The following TDRD9 variants were observed in gnomAD, a reference collection of about 807,000 sequenced individuals.
TDRD9 encodes the protein ATP-dependent RNA helicase TDRD9.
TDRD9 carries 124 observed loss-of-function variants against 172.6 expected under a neutral mutation model. That is an observed-to-expected ratio of 0.72 (90% CI 0.62 to 0.83). The LOEUF is 0.83. TDRD9 is among the 40% of genes least tolerant of loss of function. The pLI, the probability that TDRD9 is intolerant of heterozygous loss-of-function variation, is 0.00. For missense variants in TDRD9, 1,479 were observed against 1,714.1 expected (o/e 0.86, Z 2.42); for synonymous variants, 619 against 617.1 (o/e 1.00, Z -0.05).
At chr14:103,939,867 C>T (rs2031107951) in intron 1 of TDRD9, 1 of 147,422 alleles carries the variant, frequency 6.8e-6, no homozygotes. Flanking sequence ...CTGCTTCAAC[C>T]TCCTGAGTAG....
Position 103,938,438 on chromosome 14 carries a change from A to ATTTTTTTTTT in TDRD9, c.215+9715_215+9716insTTTTTTTTTT, listed in dbSNP as rs1354196439. ...TGTATATATATATATATATATATAT[A>ATTTTTTTTTT]TATTTTTTTTTTTTTTTTGAGATGG... On this transcript the variant is annotated intron_variant, in intron 1 of 35. Coordinates refer to ENST00000409874, the MANE Select transcript of TDRD9 (RefSeq NM_153046.3). Among the ~76,000 whole-genome samples the ATTTTTTTTTT allele has an allele frequency of 2.8e-3, 118 of 41,712 alleles. 3 individuals carry two copies. Among genetic ancestry groups the ATTTTTTTTTT allele is most frequent in the Admixed American group, 5.2e-3 (10 of 1,920 alleles). 27.4% of individuals were successfully genotyped at this position (41,712 alleles called of 152,430 possible).
intron 19 of TDRD9, among the ~76,000 whole-genome samples, chr14:104,008,089 T>C (rs542714078): frequency 6.2e-4 from 95 of 152,318 alleles, no homozygotes; most frequent in Non-Finnish European, 1.0e-3. Context: ...TAAAGTCTTT[T>C]AAAGGCTCAG....
intron 28 of TDRD9, among the ~76,000 whole-genome samples, chr14:104,030,612 T>C (rs890623730): frequency 7.9e-5 from 12 of 152,264 alleles, no homozygotes; most frequent in Non-Finnish European, 1.6e-4. Flanking sequence ...GAAATAAGAT[T>C]GTAAATCCTG....
chr14:104,018,175 T>C lies in TDRD9; in HGVS notation c.2415T>C (p.Ile805=). The C allele has an allele frequency of 6.3e-7, 1 of 1,595,432 alleles. No individual in the cohort carries two copies. Residue 805 remains isoleucine (I), a synonymous_variant, in exon 23 of 36, where the codon ATT becomes ATC. Coordinates refer to ENST00000409874, the MANE Select transcript of TDRD9 (RefSeq NM_153046.3). Reference sequence around the variant, plus strand: ...GACAGTGTGGTCAAGTCAAATCCATTGTATTTGATGGTGCAAAGTAAGTAT... The same window carrying C: ...GACAGTGTGGTCAAGTCAAATCCATCGTATTTGATGGTGCAAAGTAAGTAT... The part of the protein sequence containing the change: ...LFRQCGQVKS[I]VFDGAKAFVE...
At chr14:103,995,500 A>G (rs2034025783) in intron 11 of TDRD9, among the ~76,000 whole-genome samples, 1 of 152,186 alleles carries the variant, frequency 6.6e-6, no homozygotes, top group South Asian at 2.1e-4. Flanking sequence ...AGTCAGGAAT[A>G]GCTCCCTTTG....
intron 34 of TDRD9, among the ~76,000 whole-genome samples, chr14:104,048,240 T>C (rs1156481391): frequency 6.6e-6 from 1 of 152,192 alleles, no homozygotes; most frequent in African/African-American, 2.4e-5. Flanking sequence ...GTTATGTTTT[T>C]AATTTTAATT....
intron 20 of TDRD9, among the ~76,000 whole-genome samples, chr14:104,009,296 C>T (rs1218627957): frequency 6.6e-6 from 1 of 152,208 alleles, no homozygotes; most frequent in African/African-American, 2.4e-5. Context: ...ATAACTAATA[C>T]CAGATCTCAG....
intron 1 of TDRD9, among the ~76,000 whole-genome samples, chr14:103,938,604 A>G (rs1312778737): frequency 6.6e-6 from 1 of 151,022 alleles, no homozygotes; most frequent in African/African-American, 2.4e-5. Flanking sequence ...ATGCCCAGCT[A>G]ATTTTTATAT....
intron 9 of TDRD9, among the ~76,000 whole-genome samples, chr14:103,991,922 TAGAGTTC>T (rs1257697905): frequency 1.3e-5 from 2 of 152,146 alleles, no homozygotes; most frequent in African/African-American, 4.8e-5. Flanking sequence ...CATGCTTGTC[TAGAGTTC>T]AGCTTTTTGA....
chr14:104,029,797 G>A (rs2152249540), intron 28 of TDRD9, among the ~76,000 whole-genome samples: 1 of 152,274 alleles, frequency 6.6e-6, no homozygotes, highest in East Asian at 1.9e-4. Context: ...TCAGTATGGT[G>A]TTTGCTGTGG....
At position 103,994,514 on chromosome 14, in the gene TDRD9, C is replaced by A; in HGVS notation, c.1236-5C>A. The A allele has an allele frequency of 6.2e-7, 1 of 1,613,142 alleles. No homozygotes were observed. The highest frequency in any genetic ancestry group is 8.5e-7 in the Non-Finnish European group (1 of 1,179,502). On this transcript the variant is annotated splice_region_variant and splice_polypyrimidine_tract_variant and intron_variant, in intron 10 of 35. Coordinates refer to ENST00000409874, the MANE Select transcript of TDRD9 (RefSeq NM_153046.3). ...TATGGAGATTTTATTTTAGTAATTT[C>A]TTAGGTTGCAGGTCTATCCACTCCA...
intron 7 of TDRD9, among the ~76,000 whole-genome samples, chr14:103,981,669 C>A (rs945862413): frequency 6.6e-6 from 1 of 152,154 alleles, no homozygotes; most frequent in Non-Finnish European, 1.5e-5. Context: ...GTCCTCCTAG[C>A]CTACCTTGAA....
chr14:103,944,854 C>T (rs1464117237), intron 1 of TDRD9, among the ~76,000 whole-genome samples: 1 of 152,102 alleles, frequency 6.6e-6, no homozygotes, highest in African/African-American at 2.4e-5. Context: ...CGTGAGCCAC[C>T]GTGCCCGGCT....
chr14:103,950,601 A>G (rs1217925189), intron 1 of TDRD9, among the ~76,000 whole-genome samples: 1 of 152,224 alleles, frequency 6.6e-6, no homozygotes, highest in Non-Finnish European at 1.5e-5. Flanking sequence ...GAAATGTGAC[A>G]TTTGATCACG....
At chr14:104,000,735 A>C (rs989248348) in intron 13 of TDRD9, among the ~76,000 whole-genome samples, 1 of 152,184 alleles carries the variant, frequency 6.6e-6, no homozygotes, top group Non-Finnish European at 1.5e-5. Flanking sequence ...CAGTGAGCCT[A>C]GATCACGCCA....
intron 23 of TDRD9, among the ~76,000 whole-genome samples, chr14:104,018,692 G>T (rs1025674992): frequency 6.6e-6 from 1 of 152,190 alleles, no homozygotes; most frequent in Non-Finnish European, 1.5e-5. Flanking sequence ...GTGTTTTGGA[G>T]CATCACTGAG....
In TDRD9 at chr14:103,941,172, A is replaced by G. The variant is rs2031207187; in HGVS notation, c.215+12448A>G. On this transcript the variant is annotated intron_variant, in intron 1 of 35. Coordinates refer to ENST00000409874, the MANE Select transcript of TDRD9 (RefSeq NM_153046.3). The stretch of plus-strand genomic sequence containing the variant: ...TGTTATATCTCTTTATCTCCAAAAT[A>G]CAGCTTGAATAATGTATACAAGTTA... 2.4e-6 allele frequency: 3 copies of G among 1,248,150 alleles called. No homozygotes were observed. The East Asian group carries it at 7.6e-5, about 32-fold the overall frequency. The allele number at this position is 1,248,150 out of a possible 1,614,324, so 77.3% of individuals were successfully genotyped here. A position where few individuals can be genotyped will look rare whatever the true frequency, so the allele number is the denominator to read the frequency against.
At chr14:104,048,661 C>T (rs753035608) in intron 34 of TDRD9, among the ~76,000 whole-genome samples, 1 of 152,098 alleles carries the variant, frequency 6.6e-6, no homozygotes, top group Non-Finnish European at 1.5e-5. Flanking sequence ...CGTGTGTGCA[C>T]CCCTCCATCA....
chr14:103,974,610 A>G (rs534481051), intron 6 of TDRD9, among the ~76,000 whole-genome samples: 6 of 152,236 alleles, frequency 3.9e-5, no homozygotes, highest in African/African-American at 1.4e-4. Flanking sequence ...TCTGGAACAC[A>G]TCATAGAGTA....
Sources: allele counts gnomAD v4.1 joint callset (sites outside exome capture counted in the v4.1 genomes callset), GRCh38; gene constraint gnomAD v4.1.1; transcripts MANE v1.5; gene names NCBI Gene and HGNC (gene_info 2026-07-23, HGNC 2026-07-21).